CTBP2: variants seen among roughly 807,000 people sequenced by gnomAD.
The protein encoded by CTBP2 is C-terminal-binding protein 2.
CTBP2 carries 30 observed loss-of-function variants against 80.3 expected under a neutral mutation model. The observed-to-expected ratio is 0.37, with a 90% CI of 0.28 to 0.51. CTBP2 has a LOEUF of 0.51. Among genes scored for constraint, CTBP2 ranks in the 20% least tolerant of loss-of-function variants. CTBP2 has a pLI of 0.93. For missense variants in CTBP2, 1,212 were observed against 1,375.3 expected (o/e 0.88, Z 1.88); for synonymous variants, 594 against 587.4 (o/e 1.01, Z -0.16).
intron 1 of CTBP2, among the ~76,000 whole-genome samples, chr10:125,137,835 C>T (rs760826659): frequency 2.0e-5 from 3 of 152,182 alleles, no homozygotes; most frequent in Non-Finnish European, 4.4e-5. Flanking sequence ...AAATCACACA[C>T]CAAAACGTTT....
intron 1 of CTBP2, chr10:125,159,879 G>C (rs986870336): frequency 5.9e-5 from 9 of 151,862 alleles, no homozygotes; most frequent in African/African-American, 2.2e-4. Flanking sequence ...GCAGGAGCCG[G>C]GGGCGCCCAG....
At chr10:125,117,141 T>G (rs1853466138) in intron 1 of CTBP2, among the ~76,000 whole-genome samples, 1 of 152,242 alleles carries the variant, frequency 6.6e-6, no homozygotes, top group South Asian at 2.1e-4. Context: ...TCCCGCTCCC[T>G]GGCCTTCCCA....
chr10:125,036,668 G>GTGTGTGTGTGTGT (rs1958907089), intron 3 of CTBP2, among the ~76,000 whole-genome samples: 1 of 119,284 alleles, frequency 8.4e-6, no homozygotes, highest in African/African-American at 3.8e-5. Flanking sequence ...AGCTAGAGGG[G>GTGTGTGTGTGTGT]GTGTGTGTGT....
chr10:125,001,399 C>A (rs1342497638), intron 3 of CTBP2: 1 of 152,246 alleles, frequency 6.6e-6, no homozygotes, highest in Non-Finnish European at 1.5e-5. Flanking sequence ...CTACCCAGAG[C>A]ACAAAGGACA....
chr10:124,985,159 T>G lies in CTBP2; in HGVS notation c.*4359A>C, dbSNP rs1165729500. ...ACACACCTTATGGAGATAATGCCTCTGCTGCGTGAGGAGACAGAGAACTTT... is the reference window on the plus strand; with the variant it reads ...ACACACCTTATGGAGATAATGCCTCGGCTGCGTGAGGAGACAGAGAACTTT... On this transcript the variant is annotated 3_prime_UTR_variant, in exon 9 of 9. Coordinates refer to ENST00000309035, the MANE Select transcript of CTBP2 (RefSeq NM_022802.3). 1.8e-6 allele frequency: 1 copy of G among 558,428 alleles called. No homozygotes were observed. The highest frequency in any genetic ancestry group is 3.1e-6 in the Non-Finnish European group (1 of 318,504). 34.6% of individuals were successfully genotyped at this position (558,428 alleles called of 1,614,324 possible).
At chr10:125,110,440 C>T (rs1416654188) in intron 2 of CTBP2, among the ~76,000 whole-genome samples, 2 of 152,144 alleles carry the variant, frequency 1.3e-5, no homozygotes, top group Non-Finnish European at 2.9e-5. Context: ...GAATGCTCAT[C>T]TCAGCCTGCA....
At chr10:125,053,676 G>A (rs915775360) in intron 2 of CTBP2, among the ~76,000 whole-genome samples, 3 of 152,200 alleles carry the variant, frequency 2.0e-5, no homozygotes, top group Non-Finnish European at 2.9e-5. Flanking sequence ...AGATGATGCC[G>A]GGGTGAACAT....
chr10:124,992,648 G>A (rs767150375), intron 8 of CTBP2, 47 bp downstream of exon 10: 10 of 1,363,258 alleles, frequency 7.3e-6, no homozygotes, highest in Admixed American at 4.8e-5. Flanking sequence ...CCTGGCCCCG[G>A]GGCCGTGGTG....
rs764493977 is a variant in CTBP2, at chr10:125,027,582, C to T, written c.178G>A (p.Ala60Thr). 4 of 1,613,988 alleles carry T rather than the reference C, an allele frequency of 2.5e-6. No individual in the cohort carries two copies. Among genetic ancestry groups the T allele is most frequent in the Admixed American group, 1.7e-5 (1 of 59,998 alleles). ...GGCTCGGCGGCCACGGGCAGGGCAGCGTCCTGTGGTCGGTGGTTTGGCTCA... is the reference window on the plus strand; with the variant it reads ...GGCTCGGCGGCCACGGGCAGGGCAGTGTCCTGTGGTCGGTGGTTTGGCTCA... The change falls in exon 1 of 9, where the codon GCT becomes ACT. Residue 60 changes from alanine to threonine, a missense_variant. Transcript: ENST00000309035.
chr10:125,079,747 GA>G (rs1438969398), intron 2 of CTBP2, among the ~76,000 whole-genome samples: 1 of 152,208 alleles, frequency 6.6e-6, no homozygotes, highest in African/African-American at 2.4e-5. Context: ...AATTTGAATA[GA>G]ATCAGTTCCA....
At chr10:125,099,995 G>C (rs889000068) in intron 2 of CTBP2, among the ~76,000 whole-genome samples, 1 of 152,240 alleles carries the variant, frequency 6.6e-6, no homozygotes, top group East Asian at 1.9e-4. Context: ...CTGGGGGGGC[G>C]GACACAGAAG....
At position 125,043,997 on chromosome 10, in the gene CTBP2, A is replaced by T. The variant is rs999593921; in HGVS notation, c.-101-4842T>A. 3.3e-5 allele frequency among the ~76,000 whole-genome samples: 5 copies of T among 152,334 alleles called. No individual in the cohort carries two copies. The South Asian group carries it at 1.0e-3, about 32-fold the overall frequency. Reference sequence around the variant, plus strand: ...AAGCAAGTCCTGCCAAAGTTCTCTGAGTGTGTCCCCGGAGAACTCAGATCT... The same window carrying T: ...AAGCAAGTCCTGCCAAAGTTCTCTGTGTGTGTCCCCGGAGAACTCAGATCT... On this transcript the variant is annotated intron_variant, in intron 2 of 10. Transcript: ENST00000337195.
chr10:125,026,242 G>A lies in CTBP2; in HGVS notation c.1518C>T (p.His506=), dbSNP rs1957533886. 5.0e-6 allele frequency: 8 copies of A among 1,613,718 alleles called. No homozygotes were observed. The highest frequency in any genetic ancestry group is 2.7e-5 in the African/African-American group (2 of 74,936). ...GCTTCCGCAAGACCTGGGGGCTGCC[G>A]TGAGGGCTGGGCAGCGGAGAGGCGG... Residue 506 remains histidine (H), a synonymous_variant, in exon 1 of 9, where the codon CAC becomes CAT. Coordinates refer to ENST00000309035, the MANE Select transcript of CTBP2 (RefSeq NM_022802.3).
rs1957709842 is a variant in CTBP2, at chr10:125,027,176, T to G, written c.584A>C (p.Asp195Ala). ...AGGCACCTCCGCCCCATACCTGGTG[T>G]CGGGCTGCTCCCGTCCATACCGCCC... The change falls in exon 1 of 9, where the codon GAC (aspartate) becomes GCC (alanine). Residue 195 changes from aspartate to alanine, a missense_variant. Physicochemically the swap from Asp to Ala is moderately radical, Grantham distance 126. This residue lies in a region of CTBP2 where 848 missense variants were observed against 782.3 expected (regional missense o/e 1.08). Coordinates refer to ENST00000309035, the MANE Select transcript of CTBP2 (RefSeq NM_022802.3). The G allele has an allele frequency of 1.2e-6, 2 of 1,605,602 alleles. No homozygotes were observed. Among genetic ancestry groups the G allele is most frequent in the Non-Finnish European group, 1.7e-6 (2 of 1,173,684 alleles).
intron 3 of CTBP2, among the ~76,000 whole-genome samples, chr10:125,035,316 G>A (rs546229151): frequency 6.6e-6 from 1 of 152,156 alleles, no homozygotes; most frequent in South Asian, 2.1e-4. Context: ...CCAGAGGTGC[G>A]GAATGTTTCA....
At chr10:125,135,931 AC>A (rs946965960) in intron 1 of CTBP2, among the ~76,000 whole-genome samples, 1 of 152,134 alleles carries the variant, frequency 6.6e-6, no homozygotes, top group African/African-American at 2.4e-5. Flanking sequence ...GTTAGGACTT[AC>A]CTGATTCTCC....
chr10:125,017,265 G>A (rs1181497993), intron 1 of CTBP2, among the ~76,000 whole-genome samples: 1 of 152,202 alleles, frequency 6.6e-6, no homozygotes, highest in African/African-American at 2.4e-5. Flanking sequence ...GGGAGGTAAT[G>A]CCAGAAAGCA....
intron 2 of CTBP2, among the ~76,000 whole-genome samples, chr10:125,051,803 G>A (rs374837089): frequency 6.6e-5 from 10 of 152,238 alleles, no homozygotes; most frequent in Middle Eastern, 3.4e-3. Context: ...AGATAAGGTC[G>A]TTACAGCGGC....
At chr10:125,160,579 C>G (rs1411095757), upstream of CTBP2, 1 of 135,532 alleles carries the variant, frequency 7.4e-6, no homozygotes, top group Non-Finnish European at 1.6e-5. Flanking sequence ...CTCCAGCTCC[C>G]CGCCCCTCCC....
Sources: allele counts gnomAD v4.1 joint callset (sites outside exome capture counted in the v4.1 genomes callset), GRCh38; gene constraint gnomAD v4.1.1; regional missense constraint gnomAD v4.1.1; transcripts MANE v1.5; gene names NCBI Gene and HGNC (gene_info 2026-07-23, HGNC 2026-07-21).